The following PDIA4 variants were observed in gnomAD, a reference collection of about 807,000 sequenced individuals.
PDIA4 encodes the protein protein disulfide isomerase family A member 4, also known as protein disulfide-isomerase A4.
Under a neutral mutation model 62.1 loss-of-function variants are expected in PDIA4, and 33 were observed. That is an observed-to-expected ratio of 0.53 (90% CI 0.40 to 0.71). The LOEUF (loss-of-function observed/expected upper bound fraction) is 0.71, where lower values mean the gene tolerates loss of function less well. PDIA4 is among the 30% of genes least tolerant of loss of function. The probability of loss-of-function intolerance (pLI) is 0.00; values close to 1 mark genes in which losing one functional copy is unlikely to be tolerated. For synonymous variants in PDIA4, 341 were observed against 324.1 expected, an observed-to-expected ratio of 1.05 and a Z score of -0.56; for missense variants, 804 against 813.6, an observed-to-expected ratio of 0.99 and a Z score of 0.14.
intron 6 of PDIA4, among the ~76,000 whole-genome samples, chr7:149,008,563 T>C (rs2129504201): frequency 6.6e-6 from 1 of 151,532 alleles, no homozygotes; most frequent in Non-Finnish European, 1.5e-5. Context: ...ATTAGCCGGG[T>C]GTGGTGATGC....
Position 149,003,722 on chromosome 7 carries a change from T to C in PDIA4, c.*72A>G. On this transcript the variant is annotated 3_prime_UTR_variant, in exon 10 of 10. Coordinates refer to ENST00000652332, the MANE Select transcript of PDIA4 (RefSeq NM_004911.5). Reference sequence around the variant, plus strand: ...GAGATACTGTCGTTTGTTGCCGGCCTCGGCGTGGACGCCCCGACCATGGGC... The same window carrying C: ...GAGATACTGTCGTTTGTTGCCGGCCCCGGCGTGGACGCCCCGACCATGGGC... 2.1e-6 allele frequency: 2 copies of C among 960,258 alleles called. No individual in the cohort carries two copies. The highest frequency in any genetic ancestry group is 2.3e-5 in the South Asian group (1 of 43,140). 59.5% of individuals were successfully genotyped at this position (960,258 alleles called of 1,614,324 possible).
In PDIA4 at chr7:149,008,684, C is replaced by G. The variant is rs73474079; in HGVS notation, c.980-374G>C. On this transcript the variant is annotated intron_variant, in intron 6 of 9. Coordinates refer to ENST00000652332, the MANE Select transcript of PDIA4 (RefSeq NM_004911.5). ...GATCACGCCACTGTGTACTTTCAGC[C>G]TGGGCGACAGAGTGAGACTGTCTTT... Among the ~76,000 whole-genome samples, 497 of 151,314 alleles carry G rather than the reference C, an allele frequency of 3.3e-3. 4 individuals carry two copies. Among genetic ancestry groups the G allele is most frequent in the African/African-American group, 0.012 (478 of 41,166 alleles).
rs1376110610 is a variant in PDIA4 at position 149,006,272 on chromosome 7, G to A, written c.1132-219C>T. 5 of 496,000 alleles carry A rather than the reference G, an allele frequency of 1.0e-5. No individual in the cohort carries two copies. In the East Asian group the frequency reaches 1.9e-4, roughly 19 times the overall value. 30.7% of individuals were successfully genotyped at this position (496,000 alleles called of 1,614,324 possible). On this transcript the variant is annotated intron_variant, in intron 7 of 9. Transcript: ENST00000652332. ...CAGTGAACCGTAGGTGGCTTCTTGG[G>A]AAAAGGCAAACACCTTGGCCCTTTC...
At chr7:149,021,879 G>T (rs1242419500) in intron 1 of PDIA4, among the ~76,000 whole-genome samples, 1 of 151,972 alleles carries the variant, frequency 6.6e-6, no homozygotes, top group Non-Finnish European at 1.5e-5. Context: ...CCTGTAGCTC[G>T]GGCTCCCCTA....
intron 3 of PDIA4, among the ~76,000 whole-genome samples, chr7:149,017,922 C>A (rs763544055): frequency 1.3e-5 from 2 of 152,090 alleles, no homozygotes; most frequent in Admixed American, 6.6e-5. Context: ...AGCAGCCCTG[C>A]ATGCTTGTAA....
intron 1 of PDIA4, among the ~76,000 whole-genome samples, chr7:149,027,480 A>G (rs921193410): frequency 6.6e-6 from 1 of 152,236 alleles, no homozygotes; most frequent in Non-Finnish European, 1.5e-5. Context: ...GAAGGTTAAA[A>G]AGCTAGTGAT....
intron 1 of PDIA4, among the ~76,000 whole-genome samples, chr7:149,022,139 G>A (rs1824375457): frequency 6.6e-6 from 1 of 152,150 alleles, no homozygotes; most frequent in South Asian, 2.1e-4. Flanking sequence ...CTGAAAGGGG[G>A]TGGCATTTTA....
At chr7:149,010,983 G>T (rs1823925649) in intron 6 of PDIA4, among the ~76,000 whole-genome samples, 1 of 152,250 alleles carries the variant, frequency 6.6e-6, no homozygotes, top group African/African-American at 2.4e-5. Flanking sequence ...TTCCTGACTA[G>T]TTAGGCGTGA....
At chr7:149,008,792 T>TGAAAGTTTTTCGTTTTTAAAAAC (rs1170017217) in intron 6 of PDIA4, among the ~76,000 whole-genome samples, 4 of 151,708 alleles carry the variant, frequency 2.6e-5, no homozygotes, top group African/African-American at 9.7e-5. Context: ...CTTAAACACT[T>TGAAAGTTTTTCGTTTTTAAAAAC]GAAAGGAGGT....
intron 3 of PDIA4, among the ~76,000 whole-genome samples, 189 bp from the exon 4 acceptor site, chr7:149,015,231 G>A (rs927401673): frequency 2.6e-5 from 4 of 152,044 alleles, no homozygotes; most frequent in Admixed American, 1.3e-4. Flanking sequence ...CAGAAGGTTC[G>A]CTATTTCCCA....
At chr7:149,014,815 C>T (rs987071271) in intron 4 of PDIA4, 89 bp downstream of exon 4, 12 of 1,289,978 alleles carry the variant, frequency 9.3e-6, no homozygotes, top group Non-Finnish European at 1.3e-5. Flanking sequence ...TGCTCCTCTG[C>T]TGTTCCTGCC....
intron 7 of PDIA4, among the ~76,000 whole-genome samples, chr7:149,007,084 G>T (rs1823784358): frequency 6.6e-6 from 1 of 152,194 alleles, no homozygotes. Context: ...GAAGCTGGGG[G>T]GAGGGGTCGC....
At chr7:149,010,335 C>G (rs1009296914) in intron 6 of PDIA4, among the ~76,000 whole-genome samples, 1 of 151,782 alleles carries the variant, frequency 6.6e-6, no homozygotes, top group Admixed American at 6.6e-5. Flanking sequence ...CTTGTCTCCA[C>G]AAAAAAAATT....
intron 4 of PDIA4, 89 bp from the exon 5 acceptor site, chr7:149,012,449 C>T: frequency 1.8e-6 from 2 of 1,117,530 alleles, no homozygotes; most frequent in Non-Finnish European, 2.6e-6. Flanking sequence ...ATCCTGTGCT[C>T]CCTAGTAACC....
chr7:149,008,149 G>A lies in PDIA4; in HGVS notation c.1131+10C>T, dbSNP rs972607876. On this transcript the variant is annotated intron_variant, in intron 7 of 9. Transcript: ENST00000652332. ...TGTCCAGGGCTGGCATGGCAGAGGGGCCCGCTTACCTGGACGTCCATCATG... is the reference window on the plus strand; with the variant it reads ...TGTCCAGGGCTGGCATGGCAGAGGGACCCGCTTACCTGGACGTCCATCATG... 3.7e-6 allele frequency: 6 copies of A among 1,612,226 alleles called. No homozygotes were observed. The highest frequency in any genetic ancestry group is 5.1e-6 in the Non-Finnish European group (6 of 1,179,086).
intron 6 of PDIA4, among the ~76,000 whole-genome samples, chr7:149,011,587 C>A (rs1159686918): frequency 6.6e-6 from 1 of 152,178 alleles, no homozygotes; most frequent in East Asian, 1.9e-4. Flanking sequence ...AAGACCTGCC[C>A]TCCTCGGGCT....
rs147237647 is a variant in PDIA4 at position 149,021,089 on chromosome 7, A to G, written c.147T>C (p.Asp49=). The part of the protein sequence containing the change: ...EDEEEEEEED[D]DEEEDDLEVK... ...CTTCCAAGTCGTCTTCTTCCTCATC[A>G]TCATCTTCCTCCTCCTCCTCCTCTT... The change falls in exon 2 of 10, where the codon GAT becomes GAC. Residue 49 remains aspartate (D), a synonymous_variant. Coordinates refer to ENST00000652332, the MANE Select transcript of PDIA4 (RefSeq NM_004911.5). The G allele has an allele frequency of 5.6e-6, 9 of 1,612,586 alleles. No individual in the cohort carries two copies. In the African/African-American group the frequency reaches 1.2e-4, roughly 22 times the overall value.
rs372303475 is a variant in PDIA4, at chr7:149,015,008, G to A, written c.510C>T (p.Pro170=). The A allele has an allele frequency of 1.1e-5, 17 of 1,614,026 alleles. No individual in the cohort carries two copies. The highest frequency in any genetic ancestry group is 1.6e-4 in the Middle Eastern group (1 of 6,084). ...TGACTTCTGGTGGAGGCGTCCAGTC[G>A]GGCTGGGAGACTTCTCTGACCTTGG... is the stretch of plus-strand genomic sequence containing the variant. ...IVAKVREVSQ[P]DWTPPPEVTL... is the part of the protein sequence containing the mutation. Residue 170 remains proline, a synonymous_variant, in exon 4 of 10, where the codon CCC becomes CCT. Transcript: ENST00000652332.
Position 149,003,734 on chromosome 7 carries a change from C to A in PDIA4, c.*60G>T. 1 of 1,370,396 alleles carries A rather than the reference C, an allele frequency of 7.3e-7. No individual in the cohort carries two copies. 84.9% of individuals were successfully genotyped at this position (1,370,396 alleles called of 1,614,324 possible). Reference sequence around the variant, plus strand: ...TTTGTTGCCGGCCTCGGCGTGGACGCCCCGACCATGGGCCACGCAGGGCGT... The same window carrying A: ...TTTGTTGCCGGCCTCGGCGTGGACGACCCGACCATGGGCCACGCAGGGCGT... On this transcript the variant is annotated 3_prime_UTR_variant, in exon 10 of 10. Transcript: ENST00000652332.
Sources: allele counts gnomAD v4.1 joint callset (sites outside exome capture counted in the v4.1 genomes callset), GRCh38; gene constraint gnomAD v4.1.1; transcripts MANE v1.5; gene names NCBI Gene and HGNC (gene_info 2026-07-23, HGNC 2026-07-21).